The following BBS9 variants were observed in gnomAD, a reference collection of about 807,000 sequenced individuals.
BBS9 encodes the protein protein PTHB1.
A neutral mutation model predicts 117.7 loss-of-function variants in BBS9; 89 were observed. The observed-to-expected ratio is 0.76, with a 90% CI of 0.64 to 0.90. The LOEUF (loss-of-function observed/expected upper bound fraction) is 0.90. Among genes scored for constraint, BBS9 ranks in the 40% least tolerant of loss-of-function variants. The pLI, the probability that BBS9 is intolerant of heterozygous loss-of-function variation, is 0.00. For missense variants in BBS9, 982 were observed against 1,042.2 expected, an observed-to-expected ratio of 0.94 and a Z score of 0.80; for synonymous variants, 379 against 370.9, an observed-to-expected ratio of 1.02 and a Z score of -0.25.
chr7:33,541,105 G>C (rs967577864), intron 21 of BBS9, among the ~76,000 whole-genome samples: 1 of 151,880 alleles, frequency 6.6e-6, no homozygotes, highest in Non-Finnish European at 1.5e-5. Context: ...GTCTCATCAA[G>C]CTACCACTGT....
intron 21 of BBS9, among the ~76,000 whole-genome samples, chr7:33,549,952 T>A (rs1217426977): frequency 6.6e-6 from 1 of 152,220 alleles, no homozygotes; most frequent in Non-Finnish European, 1.5e-5. Flanking sequence ...CATTTGGTAC[T>A]GTTTTGTCTT....
At chr7:33,535,061 A>C (rs1851167592) in intron 21 of BBS9, among the ~76,000 whole-genome samples, 1 of 152,130 alleles carries the variant, frequency 6.6e-6, no homozygotes, top group Non-Finnish European at 1.5e-5. Flanking sequence ...CATTCCTAGA[A>C]GTGAAAAGGA....
intron 5 of BBS9, among the ~76,000 whole-genome samples, chr7:33,205,047 G>T (rs961275271): frequency 4.6e-5 from 7 of 152,176 alleles, no homozygotes; most frequent in African/African-American, 1.7e-4. Flanking sequence ...GCAGCCCAAT[G>T]AATCCCTTGG....
At chr7:33,439,043 A>G (rs1249392220) in intron 19 of BBS9, among the ~76,000 whole-genome samples, 1 of 152,208 alleles carries the variant, frequency 6.6e-6, no homozygotes, top group Non-Finnish European at 1.5e-5. Flanking sequence ...GGGCTGATTT[A>G]CAAACAGCCA....
At chr7:33,482,498 C>G (rs959212158) in intron 19 of BBS9, among the ~76,000 whole-genome samples, 1 of 152,072 alleles carries the variant, frequency 6.6e-6, no homozygotes, top group African/African-American at 2.4e-5. Context: ...ATAGGAAATA[C>G]AGTTGTATAA....
intron 18 of BBS9, among the ~76,000 whole-genome samples, chr7:33,385,806 T>C (rs1825898001): frequency 6.6e-6 from 1 of 152,100 alleles, no homozygotes; most frequent in Non-Finnish European, 1.5e-5. Flanking sequence ...GAAGAATGAA[T>C]TATTGATAAT....
intron 9 of BBS9, among the ~76,000 whole-genome samples, chr7:33,326,584 T>A (rs946118839): frequency 5.3e-5 from 8 of 152,052 alleles, no homozygotes; most frequent in Non-Finnish European, 1.2e-4. Context: ...CAGTTGGGAA[T>A]GTGCTGACCG....
chr7:33,365,201 G>A (rs1395732397), intron 16 of BBS9, among the ~76,000 whole-genome samples: 1 of 151,950 alleles, frequency 6.6e-6, no homozygotes, highest in South Asian at 2.1e-4. Context: ...GGAAATCATT[G>A]TGTTCTTTTG....
intron 4 of BBS9, among the ~76,000 whole-genome samples, chr7:33,161,472 A>G (rs1201257955): frequency 6.6e-6 from 1 of 152,188 alleles, no homozygotes; most frequent in East Asian, 1.9e-4. Context: ...ATGGCTGCAT[A>G]GTATTCCATG....
intron 9 of BBS9, among the ~76,000 whole-genome samples, chr7:33,278,697 C>T (rs758186120): frequency 7.2e-5 from 11 of 152,016 alleles, no homozygotes; most frequent in East Asian, 1.9e-4. Context: ...CCCTATGGGT[C>T]GACAGTGCCT....
At chr7:33,319,086 C>T (rs1811148818) in intron 9 of BBS9, among the ~76,000 whole-genome samples, 1 of 151,736 alleles carries the variant, frequency 6.6e-6, no homozygotes, top group Admixed American at 6.6e-5. Context: ...TCGCTTGAAC[C>T]TGAGAGGCAG....
intron 17 of BBS9, among the ~76,000 whole-genome samples, chr7:33,382,836 G>A (rs575332647): frequency 2.0e-4 from 30 of 152,160 alleles, no homozygotes; most frequent in Non-Finnish European, 3.5e-4. Flanking sequence ...TACGATTTAG[G>A]CAGAAGGATA....
chr7:33,619,216 G>A (rs1865288852), intron 21 of BBS9, among the ~76,000 whole-genome samples: 1 of 151,922 alleles, frequency 6.6e-6, no homozygotes, highest in Non-Finnish European at 1.5e-5. Context: ...ACTTACGTCA[G>A]GCAAAATAGA....
chr7:33,252,845 T>C (rs2128304293), intron 5 of BBS9, among the ~76,000 whole-genome samples: 1 of 152,290 alleles, frequency 6.6e-6, no homozygotes, highest in African/African-American at 2.4e-5. Context: ...ATACAAAATG[T>C]ATATATTTAG....
intron 17 of BBS9, among the ~76,000 whole-genome samples, chr7:33,379,530 TG>T (rs1342986701): frequency 6.6e-6 from 1 of 152,198 alleles, no homozygotes; most frequent in Admixed American, 6.5e-5. Flanking sequence ...GAATTTTCTT[TG>T]AAAAATTAGC....
chr7:33,311,428 G>C (rs1229327733), intron 9 of BBS9, among the ~76,000 whole-genome samples: 1 of 152,142 alleles, frequency 6.6e-6, no homozygotes. Flanking sequence ...TTGCTTTAAA[G>C]AGACTGAGTG....
rs76561748 is a variant in BBS9 at position 33,259,382 on chromosome 7, C to T, written c.617+1972C>T. Among the ~76,000 whole-genome samples, 2,751 of 152,206 alleles carry T rather than the reference C, an allele frequency of 0.018. 219 individuals carry two copies. The East Asian group carries it at 0.27, about 15-fold the overall frequency. On this transcript the variant is annotated intron_variant, in intron 6 of 22. Transcript: ENST00000242067. ...CAGCCTGTTATAAAATGCACTTTTACAGATGCTAGTCCCCAGTCCCCTAGA... is the reference window on the plus strand; with the variant it reads ...CAGCCTGTTATAAAATGCACTTTTATAGATGCTAGTCCCCAGTCCCCTAGA...
At chr7:33,311,898 T>A (rs751916096) in intron 9 of BBS9, among the ~76,000 whole-genome samples, 8 of 152,148 alleles carry the variant, frequency 5.3e-5, no homozygotes, top group Admixed American at 1.3e-4. Flanking sequence ...CATTCCTCTG[T>A]GCAATAGAAT....
At chr7:33,277,809 T>A (rs1333297274) in intron 9 of BBS9, among the ~76,000 whole-genome samples, 2 of 152,104 alleles carry the variant, frequency 1.3e-5, no homozygotes, top group Non-Finnish European at 2.9e-5. Context: ...CCTGTAAAGA[T>A]CTCTTACAAG....
Sources: gnomAD v4.1 joint callset for allele counts (sites outside exome capture counted in the v4.1 genomes callset) on GRCh38, gnomAD v4.1.1 for gene constraint, MANE v1.5 for transcripts, NCBI Gene and HGNC (gene_info 2026-07-23, HGNC 2026-07-21) for gene names.